MYLK: variants seen among roughly 807,000 people sequenced by gnomAD.
MYLK encodes the protein myosin light chain kinase, smooth muscle.
Under a neutral mutation model 203.4 loss-of-function variants are expected in MYLK, and 106 were observed. The ratio of observed to expected loss-of-function variants is 0.52; its 90% CI spans 0.45 to 0.61. The LOEUF is 0.61. Among genes scored for constraint, MYLK ranks in the 20% least tolerant of loss-of-function variants. The probability of loss-of-function intolerance (pLI) is 0.00; values close to 1 mark genes in which losing one functional copy is unlikely to be tolerated. For synonymous variants in MYLK, 867 were observed against 959.5 expected, an observed-to-expected ratio of 0.90 and a Z score of 1.78; for missense variants, 2,072 against 2,442.3, an observed-to-expected ratio of 0.85 and a Z score of 3.20.
intron 18 of MYLK, among the ~76,000 whole-genome samples, chr3:123,698,436 C>T (rs2061025384): frequency 6.6e-6 from 1 of 152,134 alleles, no homozygotes; most frequent in Non-Finnish European, 1.5e-5. Context: ...GTAGGGTGAC[C>T]TGGGAAATGT....
At chr3:123,727,495 T>C (rs771360403) in intron 11 of MYLK, among the ~76,000 whole-genome samples, 3 of 152,202 alleles carry the variant, frequency 2.0e-5, no homozygotes, top group Non-Finnish European at 2.9e-5. Flanking sequence ...ATCTAGGAAA[T>C]GGGTATGATT....
intron 5 of MYLK, among the ~76,000 whole-genome samples, chr3:123,740,840 G>T (rs1459515426): frequency 2.6e-5 from 4 of 152,266 alleles, no homozygotes; most frequent in Non-Finnish European, 5.9e-5. Context: ...GATCCTGGGT[G>T]AGCTGTTGCC....
intron 4 of MYLK, among the ~76,000 whole-genome samples, chr3:123,760,138 A>G (rs1476118465): frequency 6.6e-6 from 1 of 152,230 alleles, no homozygotes; most frequent in Non-Finnish European, 1.5e-5. Context: ...AGTGCAGATG[A>G]TATCAGAATC....
chr3:123,658,923 A>C (rs2059477654), intron 23 of MYLK, among the ~76,000 whole-genome samples: 1 of 152,166 alleles, frequency 6.6e-6, no homozygotes, highest in Non-Finnish European at 1.5e-5. Context: ...TGTCTACCCC[A>C]ATAACCAAAG....
intron 2 of MYLK, among the ~76,000 whole-genome samples, chr3:123,854,338 A>T (rs527679345): frequency 2.6e-5 from 4 of 152,172 alleles, no homozygotes; most frequent in African/African-American, 9.6e-5. Context: ...TATAATTATT[A>T]TCTTCCTGAC....
In MYLK at chr3:123,647,424, C is replaced by A. The variant is rs1414798310; in HGVS notation, c.4419G>T (p.Gly1473=). The part of the protein sequence containing the change: ...FYDIEERLGS[G]KFGQVFRLVE... ...CAAGTCGAAAGACCTGTCCAAATTT[C>A]CCACTGCAAATGAAAGGGGGAGGAG... Residue 1473 remains glycine, a synonymous_variant, in exon 27 of 34, where the codon GGG becomes GGT. Transcript: ENST00000360304. 6.2e-7 allele frequency: 1 copy of A among 1,614,168 alleles called. No individual in the cohort carries two copies. The highest frequency in any genetic ancestry group is 2.2e-5 in the East Asian group (1 of 44,884).
In MYLK at chr3:123,638,093, T is replaced by C; in HGVS notation, c.4939A>G (p.Ile1647Val). The change falls in exon 29 of 34, where the codon ATC (isoleucine) becomes GTC (valine). Residue 1647 changes from isoleucine to valine, a missense_variant. Physicochemically the swap from Ile to Val is conservative, Grantham distance 29. Around this residue, in one of 3 missense-constraint regions of MYLK, gnomAD observed 524 missense variants for 782.4 expected, o/e 0.67. Transcript: ENST00000360304. ...CACAGGATGTAGCAGATGACCCCGATGCTCCACATGTCTGTGGCGTAGCCG... is the reference window on the plus strand; with the variant it reads ...CACAGGATGTAGCAGATGACCCCGACGCTCCACATGTCTGTGGCGTAGCCG... Reference protein sequence around the residue: ...PIGYATDMWSIGVICYILVSG... With the variant: ...PIGYATDMWSVGVICYILVSG... The C allele has an allele frequency of 6.2e-7, 1 of 1,614,114 alleles. No homozygotes were observed. The highest frequency in any genetic ancestry group is 1.1e-5 in the South Asian group (1 of 91,076).
At chr3:123,770,196 C>A (rs537086619) in intron 4 of MYLK, among the ~76,000 whole-genome samples, 1 of 150,922 alleles carries the variant, frequency 6.6e-6, no homozygotes, top group Non-Finnish European at 1.5e-5. Flanking sequence ...TGGTGGCGGG[C>A]ACCTGTAATC....
In MYLK at chr3:123,709,190, C is replaced by G. The variant is rs143733900; in HGVS notation, c.1943-295G>C. ...AGTCTTTGCTCTGTCGCCCAGGCTG[C>G]AGTGCAGTGGTGCGATCTCGGCTCA... is the stretch of plus-strand genomic sequence containing the variant. On this transcript the variant is annotated intron_variant, in intron 14 of 33. Coordinates refer to ENST00000360304, the MANE Select transcript of MYLK (RefSeq NM_053025.4). The G allele has an allele frequency of 2.9e-3, 687 of 238,960 alleles. 14 individuals carry two copies. The East Asian group carries it at 0.045, about 16-fold the overall frequency. The allele number at this position is 238,960 out of a possible 1,614,324, so 14.8% of individuals were successfully genotyped here.
chr3:123,780,420 C>T (rs547104959), intron 4 of MYLK, among the ~76,000 whole-genome samples: 3 of 151,958 alleles, frequency 2.0e-5, no homozygotes, highest in Non-Finnish European at 2.9e-5. Context: ...GGCAACAGAG[C>T]GAGATTCTGT....
intron 24 of MYLK, among the ~76,000 whole-genome samples, chr3:123,650,966 CAG>C (rs1443875594): frequency 2.6e-5 from 4 of 152,174 alleles, no homozygotes; most frequent in African/African-American, 4.8e-5. Context: ...GGGCCCCAAA[CAG>C]GGGTGAGTAC....
At chr3:123,822,464 C>A (rs985857188) in intron 3 of MYLK, among the ~76,000 whole-genome samples, 30 of 152,146 alleles carry the variant, frequency 2.0e-4, no homozygotes, top group African/African-American at 7.0e-4. Flanking sequence ...GTGTAAGAAA[C>A]CTTCAAGGGA....
intron 3 of MYLK, among the ~76,000 whole-genome samples, chr3:123,809,933 T>C (rs2065499323): frequency 1.3e-5 from 2 of 152,186 alleles, no homozygotes; most frequent in Admixed American, 6.5e-5. Flanking sequence ...TAGGCCACTG[T>C]TGTTTGTCTA....
Position 123,838,745 on chromosome 3 carries a change from C to A in MYLK, c.-126-7075G>T, listed in dbSNP as rs184660765. Among the ~76,000 whole-genome samples the A allele has an allele frequency of 6.0e-4, 92 of 152,200 alleles. 2 individuals are homozygous for A. In the South Asian group the frequency reaches 0.011, roughly 18 times the overall value. On this transcript the variant is annotated intron_variant, in intron 2 of 33. Coordinates refer to ENST00000360304, the MANE Select transcript of MYLK (RefSeq NM_053025.4). ...TATGTTGTAAACACTAGAGCACACA[C>A]TACATTTTTAAAAAGAAGTATAATG...
intron 18 of MYLK, among the ~76,000 whole-genome samples, chr3:123,698,158 TCA>T (rs1431018219): frequency 1.3e-5 from 2 of 152,200 alleles, no homozygotes; most frequent in South Asian, 2.1e-4. Context: ...TGACTTAACC[TCA>T]GTTTCCCTGA....
chr3:123,709,278 C>A (rs941732548), intron 14 of MYLK: 55 of 237,600 alleles, frequency 2.3e-4, no homozygotes, highest in Admixed American at 2.0e-3. Context: ...GTAGCTGGGA[C>A]TACAGGCACC....
intron 2 of MYLK, among the ~76,000 whole-genome samples, chr3:123,848,999 G>C (rs1208591765): frequency 2.0e-5 from 3 of 152,084 alleles, no homozygotes; most frequent in Non-Finnish European, 4.4e-5. Flanking sequence ...GAGGGCAGAT[G>C]GGGTCTCGCT....
At chr3:123,734,356 G>C in intron 9 of MYLK, 134 bp from the exon 10 acceptor site, 1 of 872,826 alleles carries the variant, frequency 1.1e-6, no homozygotes, top group Non-Finnish European at 1.7e-6. Flanking sequence ...TTAAGGGCAA[G>C]TAAGAGCATC....
At chr3:123,713,578 A>ATGT (rs2061782627) in intron 13 of MYLK, among the ~76,000 whole-genome samples, 7 of 74,752 alleles carry the variant, frequency 9.4e-5, no homozygotes, top group African/African-American at 4.0e-4. Context: ...AGAGCAACAC[A>ATGT]ATGTGTGTGT....
Sources: gnomAD v4.1 joint callset for allele counts (sites outside exome capture counted in the v4.1 genomes callset) on GRCh38, gnomAD v4.1.1 for gene constraint, gnomAD v4.1.1 regional missense constraint, MANE v1.5 for transcripts, NCBI Gene and HGNC (gene_info 2026-07-23, HGNC 2026-07-21) for gene names.